The following CEP63 variants were observed in gnomAD, a reference collection of about 807,000 sequenced individuals.
CEP63 encodes centrosomal protein 63.
CEP63 carries 84 observed loss-of-function variants against 89.1 expected under a neutral mutation model. The ratio of observed to expected loss-of-function variants is 0.94; its 90% CI spans 0.79 to 1.13. The LOEUF is 1.13. CEP63 is among the 50% of genes most tolerant of loss of function. CEP63 has a pLI of 0.00. For missense variants in CEP63, 838 were observed against 813.3 expected (o/e 1.03, Z -0.37); for synonymous variants, 267 against 272.5 (o/e 0.98, Z 0.20).
chr3:134,604,057 A>G, the CEP63 span: 3 of 1,613,890 alleles, frequency 1.9e-6, no homozygotes, highest in Non-Finnish European at 1.7e-6. Flanking sequence ...CTCCTCAGTG[A>G]TGGGGCCATC....
the CEP63 span, among the ~76,000 whole-genome samples, chr3:134,705,302 T>G: frequency 1.1e-3 from 168 of 152,224 alleles, no homozygotes; most frequent in East Asian, 0.026. Context: ...TCAAAGGGGA[T>G]GCAGACACAT....
the CEP63 span, among the ~76,000 whole-genome samples, chr3:134,771,757 G>C: frequency 2.0e-5 from 3 of 152,136 alleles, no homozygotes; most frequent in Non-Finnish European, 2.9e-5. Flanking sequence ...ACACCTGCAC[G>C]TTGTGCATGT....
the CEP63 span, among the ~76,000 whole-genome samples, chr3:134,763,306 C>T: frequency 1.3e-5 from 2 of 152,042 alleles, no homozygotes; most frequent in Non-Finnish European, 2.9e-5. Flanking sequence ...GTTCAATTCC[C>T]ACCTATGAAG....
At chr3:134,619,070 G>T in the CEP63 span, 1 of 1,217,380 alleles carries the variant, frequency 8.2e-7, no homozygotes, top group Non-Finnish European at 1.2e-6. Context: ...CCTGGCATGT[G>T]GGCAAAGGCA....
At chr3:134,777,464 T>G in the CEP63 span, among the ~76,000 whole-genome samples, 204 of 152,236 alleles carry the variant, frequency 1.3e-3, no homozygotes, top group Non-Finnish European at 2.5e-3. Flanking sequence ...CAGAGGGGTC[T>G]TCATCAATTA....
At chr3:134,708,962 C>G in the CEP63 span, among the ~76,000 whole-genome samples, 3 of 152,076 alleles carry the variant, frequency 2.0e-5, no homozygotes, top group African/African-American at 7.2e-5. Flanking sequence ...GGGAGTCAGA[C>G]AGGACTTAGG....
At chr3:134,501,476 T>C (rs1367755951) in intron 2 of CEP63, among the ~76,000 whole-genome samples, 1 of 152,236 alleles carries the variant, frequency 6.6e-6, no homozygotes, top group African/African-American at 2.4e-5. Flanking sequence ...GGAATGTTTT[T>C]CTATTTGTTT....
chr3:134,687,916 A>G, the CEP63 span, among the ~76,000 whole-genome samples: 11 of 152,360 alleles, frequency 7.2e-5, no homozygotes, highest in East Asian at 1.5e-3. Flanking sequence ...GACAATATCA[A>G]GTGTTGAAAA....
intron 9 of CEP63, 89 bp from the exon 10 acceptor site, chr3:134,548,973 T>A: frequency 1.3e-6 from 1 of 773,724 alleles, no homozygotes; most frequent in Non-Finnish European, 2.3e-6. Context: ...CTGGATATTT[T>A]TTGGATATCA....
chr3:134,531,926 A>G lies in CEP63; in HGVS notation c.304A>G (p.Lys102Glu), dbSNP rs756420037. 1.9e-6 allele frequency: 3 copies of G among 1,610,562 alleles called. No homozygotes were observed. Among genetic ancestry groups the G allele is most frequent in the Non-Finnish European group, 2.5e-6 (3 of 1,176,920 alleles). The change falls in exon 4 of 15, where the codon AAA (lysine) becomes GAA (glutamate). Residue 102 changes from lysine (K) to glutamate (E), a missense_variant. Transcript: ENST00000675561. ...CATGGAATATAAGCAGGAGTTGAAG[A>G]AACTACATGAAGAAGTGAGATTTTA... ...MTMEYKQELK[K>E]LHEELCILKR... is the part of the protein sequence containing the mutation.
chr3:134,661,469 G>T, the CEP63 span, among the ~76,000 whole-genome samples: 1 of 152,140 alleles, frequency 6.6e-6, no homozygotes, highest in African/African-American at 2.4e-5. Context: ...GTCTGATGTT[G>T]TGGGGACACA....
the CEP63 span, among the ~76,000 whole-genome samples, chr3:134,705,414 TAC>T: frequency 6.6e-6 from 1 of 152,198 alleles, no homozygotes; most frequent in Non-Finnish European, 1.5e-5. Context: ...AAGAACTCAC[TAC>T]TGCCAGAATG....
rs555100057 is a variant in CEP63, at chr3:134,564,976, C to A, written c.*3441C>A. ...AACATTTGACTGTAATTTAATGTCT[C>A]ACCATTTTTCAAAAAGATATATTAA... On this transcript the variant is annotated 3_prime_UTR_variant, in exon 15 of 15. Coordinates refer to ENST00000675561, the MANE Select transcript of CEP63 (RefSeq NM_001353108.3). 6.1e-6 allele frequency: 6 copies of A among 975,928 alleles called. No individual in the cohort carries two copies. In the South Asian group the frequency reaches 2.9e-4, roughly 46 times the overall value. 60.5% of individuals were successfully genotyped at this position (975,928 alleles called of 1,614,324 possible).
chr3:134,722,283 ATACAG>A, the CEP63 span, among the ~76,000 whole-genome samples: 4 of 19,370 alleles, frequency 2.1e-4, no homozygotes, highest in African/African-American at 4.9e-4. Context: ...TACTGTATAT[ATACAG>A]TACAGTATTC....
intron 6 of CEP63, among the ~76,000 whole-genome samples, chr3:134,537,668 A>G (rs1360813055): frequency 2.6e-5 from 4 of 151,706 alleles, no homozygotes. Context: ...CCACAGTCCC[A>G]TTCCTCCCTC....
chr3:134,679,216 A>G, the CEP63 span, among the ~76,000 whole-genome samples: 9 of 152,140 alleles, frequency 5.9e-5, no homozygotes, highest in African/African-American at 2.2e-4. Flanking sequence ...AATCTTCTAT[A>G]TTTTCCTGTG....
intron 10 of CEP63, among the ~76,000 whole-genome samples, chr3:134,582,221 G>A (rs368285077): frequency 4.9e-5 from 1 of 20,320 alleles, no homozygotes; most frequent in Non-Finnish European, 1.4e-4. Context: ...GGGTAGATGT[G>A]CACAACGTGC....
the CEP63 span, among the ~76,000 whole-genome samples, chr3:134,670,589 A>C: frequency 2.0e-5 from 3 of 152,254 alleles, no homozygotes; most frequent in Non-Finnish European, 4.4e-5. Flanking sequence ...GTGAAGTCTG[A>C]TGACACCATG....
chr3:134,548,133 AC>A (rs962274608), intron 9 of CEP63, among the ~76,000 whole-genome samples: 1 of 152,066 alleles, frequency 6.6e-6, no homozygotes, highest in Non-Finnish European at 1.5e-5. Flanking sequence ...CTGTAACATC[AC>A]CCATCTGGGG....
Sources: gnomAD v4.1 joint callset for allele counts (sites outside exome capture counted in the v4.1 genomes callset) on GRCh38, gnomAD v4.1.1 for gene constraint, MANE v1.5 for transcripts, NCBI Gene and HGNC (gene_info 2026-07-23, HGNC 2026-07-21) for gene names.